MAK: variants seen among roughly 807,000 people sequenced by gnomAD.
MAK encodes male germ cell associated kinase, also known as serine/threonine-protein kinase MAK.
MAK carries 65 observed loss-of-function variants against 82.6 expected under a neutral mutation model. The observed-to-expected ratio is 0.79, with a 90% CI of 0.64 to 0.97. The LOEUF is 0.97. MAK is among the 50% of genes least tolerant of loss of function. MAK has a pLI of 0.00. For synonymous variants in MAK, 250 were observed against 274.2 expected, an observed-to-expected ratio of 0.91 and a Z score of 0.87; for missense variants, 703 against 780.2, an observed-to-expected ratio of 0.90 and a Z score of 1.18.
At position 10,809,314 on chromosome 6, in the gene MAK, G is replaced by A. The variant is rs986636395; in HGVS notation, c.359-372C>T. On this transcript the variant is annotated intron_variant, in intron 5 of 14. Transcript: ENST00000354489. ...CTGTTATCACTATTGTGCAATAGAG[G>A]AGGAGGTTGAGGGCCAGAGTGAAGT... 3.9e-5 allele frequency among the ~76,000 whole-genome samples: 6 copies of A among 152,312 alleles called. No individual in the cohort carries two copies. In the South Asian group the frequency reaches 8.3e-4, roughly 21 times the overall value.
At chr6:10,795,888 CAAAG>C (rs1670924167) in intron 9 of MAK, 106 bp downstream of exon 9, 10 of 1,239,510 alleles carry the variant, frequency 8.1e-6, no homozygotes, top group Non-Finnish European at 1.1e-5. Context: ...GGGTCTTTAA[CAAAG>C]AAAAATCTTT....
At chr6:10,792,499 G>A (rs536292219) in intron 9 of MAK, among the ~76,000 whole-genome samples, 8 of 152,302 alleles carry the variant, frequency 5.3e-5, no homozygotes, top group East Asian at 1.9e-4. Flanking sequence ...TAATCCTAAC[G>A]GAAACAGAGA....
chr6:10,784,901 A>G, intron 10 of MAK: 1 of 504,264 alleles, frequency 2.0e-6, no homozygotes, highest in Non-Finnish European at 3.9e-6. Context: ...TGAGAGGGAA[A>G]TAACAGCCAT....
At chr6:10,778,090 T>C (rs544518913) in intron 11 of MAK, among the ~76,000 whole-genome samples, 1 of 152,314 alleles carries the variant, frequency 6.6e-6, no homozygotes, top group African/African-American at 2.4e-5. Context: ...ATTATAATGA[T>C]AGATGTCATT....
At chr6:10,774,119 T>C (rs530283522) in intron 12 of MAK, among the ~76,000 whole-genome samples, 2 of 152,200 alleles carry the variant, frequency 1.3e-5, no homozygotes, top group Non-Finnish European at 2.9e-5. Context: ...TCTTTATTTA[T>C]ACCTCAGCTT....
chr6:10,765,407 T>C (rs1772314696), intron 14 of MAK, among the ~76,000 whole-genome samples: 1 of 151,792 alleles, frequency 6.6e-6, no homozygotes, highest in Admixed American at 6.6e-5. Context: ...TAGATTTCTT[T>C]TTAAACATTA....
rs1203995060 is a variant in MAK at position 10,776,976 on chromosome 6, G to A, written c.1466-1517C>T. On this transcript the variant is annotated intron_variant, in intron 11 of 14. Transcript: ENST00000354489. The surrounding 1 kb of genome is among the most constrained non-coding windows in gnomAD (Gnocchi z 4.3). ...ACAGGAGAATCGCTTGAACCTGGGA[G>A]GCAGAGGTTGTGGTGAGCCCGAGAT... Among the ~76,000 whole-genome samples, 1 of 151,676 alleles carries A rather than the reference G, an allele frequency of 6.6e-6. No homozygotes were observed. Among genetic ancestry groups the A allele is most frequent in the African/African-American group, 2.4e-5 (1 of 41,256 alleles).
chr6:10,822,355 G>C (rs1778027975), intron 2 of MAK, among the ~76,000 whole-genome samples: 1 of 151,662 alleles, frequency 6.6e-6, no homozygotes, highest in Non-Finnish European at 1.5e-5. Flanking sequence ...TTGGGAGACG[G>C]AGGCAGGAGA....
intron 10 of MAK, chr6:10,784,894 G>C: frequency 1.9e-6 from 1 of 512,830 alleles, no homozygotes; most frequent in Non-Finnish European, 3.8e-6. Flanking sequence ...GGTGTGCTGA[G>C]AGGGAAATAA....
At chr6:10,775,594 CAG>C in intron 11 of MAK, 135 bp from the exon 12 acceptor site, 1 of 971,638 alleles carries the variant, frequency 1.0e-6, no homozygotes, top group Non-Finnish European at 1.6e-6. Context: ...GAAAATGTAG[CAG>C]ATACTTGCTT....
At chr6:10,788,476 A>G (rs1249596474) in intron 10 of MAK, among the ~76,000 whole-genome samples, 1 of 152,232 alleles carries the variant, frequency 6.6e-6, no homozygotes, top group Non-Finnish European at 1.5e-5. Flanking sequence ...TCATGCCTGT[A>G]ATCCCAACAC....
At chr6:10,828,875 C>T (rs1352379982) in intron 2 of MAK, 1 of 152,196 alleles carries the variant, frequency 6.6e-6, no homozygotes, top group African/African-American at 2.4e-5. Flanking sequence ...ATATGGCTGT[C>T]TACAAGCCAA....
chr6:10,837,435 T>A (rs12204666), intron 1 of MAK, among the ~76,000 whole-genome samples: 21,044 of 152,214 alleles, frequency 0.14, 2,099 homozygotes, highest in Non-Finnish European at 0.21. Context: ...GTGCCTGCAG[T>A]GGAAGCAGGC....
intron 2 of MAK, chr6:10,829,172 G>A (rs1248023632): frequency 6.6e-6 from 1 of 152,196 alleles, no homozygotes; most frequent in Non-Finnish European, 1.5e-5. Flanking sequence ...CAGAAACTAT[G>A]TGAATTAATA....
At chr6:10,768,302 TGC>T (rs779837786) in intron 14 of MAK, among the ~76,000 whole-genome samples, 15 of 152,230 alleles carry the variant, frequency 9.9e-5, no homozygotes, top group Non-Finnish European at 2.1e-4. Flanking sequence ...TGTGGCCGGG[TGC>T]AGTGGTTCAT....
chr6:10,818,722 C>A (rs1777688893), intron 3 of MAK, among the ~76,000 whole-genome samples, 164 bp downstream of exon 3: 1 of 151,896 alleles, frequency 6.6e-6, no homozygotes, highest in Non-Finnish European at 1.5e-5. Context: ...CTGTTCTCCA[C>A]TGACATCAGA....
chr6:10,830,174 T>C (rs1036330337), intron 2 of MAK, among the ~76,000 whole-genome samples: 2 of 149,388 alleles, frequency 1.3e-5, no homozygotes, highest in Non-Finnish European at 3.0e-5. Context: ...CACGTATATA[T>C]ATATATTTTT....
chr6:10,813,770 A>C (rs1777245889), intron 4 of MAK, 47 bp from the exon 5 acceptor site: 1 of 1,062,484 alleles, frequency 9.4e-7, no homozygotes, highest in African/African-American at 1.6e-5. Context: ...CAACCAGCCA[A>C]CCAATCCAAA....
chr6:10,793,111 A>G lies in MAK; in HGVS notation c.1144-1264T>C, dbSNP rs1404076002. Among the ~76,000 whole-genome samples, 1 of 152,206 alleles carries G rather than the reference A, an allele frequency of 6.6e-6. No homozygotes were observed. The highest frequency in any genetic ancestry group is 1.5e-5 in the Non-Finnish European group (1 of 68,036). On this transcript the variant is annotated intron_variant, in intron 9 of 14. Coordinates refer to ENST00000354489, the MANE Select transcript of MAK (RefSeq NM_001242957.3). The surrounding 1 kb of genome is among the most constrained non-coding windows in gnomAD (Gnocchi z 4.6). Reference sequence around the variant, plus strand: ...TCCACATCAGTAAGTTTGGTAGAGGATGAGGGCAAAGATTCTAAAATCAAT... The same window carrying G: ...TCCACATCAGTAAGTTTGGTAGAGGGTGAGGGCAAAGATTCTAAAATCAAT...
Sources: gnomAD v4.1 joint callset for allele counts (sites outside exome capture counted in the v4.1 genomes callset) on GRCh38, gnomAD v4.1.1 for gene constraint, Gnocchi (gnomAD v3.1) non-coding constraint, MANE v1.5 for transcripts, NCBI Gene and HGNC (gene_info 2026-07-23, HGNC 2026-07-21) for gene names.